Variants in PPP2R2B observed in about 807,000 individuals in gnomAD.
The protein encoded by PPP2R2B is protein phosphatase 2 regulatory subunit Bbeta, also known as serine/threonine-protein phosphatase 2A 55 kDa regulatory subunit B beta isoform.
PPP2R2B carries 5 observed loss-of-function variants against 46.0 expected under a neutral mutation model. The ratio of observed to expected loss-of-function variants is 0.11; its 90% CI spans 0.06 to 0.23. The LOEUF is 0.23. Ranked by LOEUF, PPP2R2B falls within the 10% of genes least tolerant of loss-of-function variation. PPP2R2B has a pLI of 1.00. For missense variants in PPP2R2B, 367 were observed against 575.0 expected (o/e 0.64, Z 3.70); for synonymous variants, 215 against 206.7 (o/e 1.04, Z -0.34).
chr5:146,857,660 T>G, intron 2 of PPP2R2B, among the ~76,000 whole-genome samples: 1 of 152,136 alleles, frequency 6.6e-6, no homozygotes, highest in African/African-American at 2.4e-5. Flanking sequence ...CTAACGGTAA[T>G]ATCTTAAGAC....
intron 2 of PPP2R2B, among the ~76,000 whole-genome samples, chr5:146,846,710 A>AT (rs1002103735): frequency 1.6e-4 from 25 of 151,798 alleles, no homozygotes; most frequent in Non-Finnish European, 2.5e-4. Context: ...TGTATTCTTT[A>AT]TTTTTTTTAA....
chr5:146,854,086 A>G (rs1395805451), intron 2 of PPP2R2B, among the ~76,000 whole-genome samples: 1 of 152,102 alleles, frequency 6.6e-6, no homozygotes, highest in East Asian at 1.9e-4. Flanking sequence ...CGAGTACAGC[A>G]CCAGACACAT....
intron 2 of PPP2R2B, among the ~76,000 whole-genome samples, chr5:147,079,394 TATATA>T (rs1757899232): frequency 6.9e-6 from 1 of 144,352 alleles, no homozygotes; most frequent in East Asian, 2.0e-4. Flanking sequence ...TAAAATGGGA[TATATA>T]ATATATATAA....
intron 2 of PPP2R2B, chr5:146,751,688 A>C (rs1753564975): frequency 6.6e-6 from 1 of 152,248 alleles, no homozygotes; most frequent in African/African-American, 2.4e-5. Flanking sequence ...ACACACATAG[A>C]TAATATCCTG....
At chr5:146,969,138 T>C (rs1752558471) in intron 1 of PPP2R2B, among the ~76,000 whole-genome samples, 1 of 152,172 alleles carries the variant, frequency 6.6e-6, no homozygotes, top group Admixed American at 6.5e-5. Flanking sequence ...AGAAGTAAGA[T>C]CAAGATGCCA....
chr5:146,720,414 C>T (rs1402980043), intron 2 of PPP2R2B, among the ~76,000 whole-genome samples: 4 of 152,172 alleles, frequency 2.6e-5, no homozygotes, highest in African/African-American at 9.7e-5. Context: ...TTCATTTAGA[C>T]TGAGGGTAGA....
chr5:146,963,852 G>T (rs1479987575), intron 1 of PPP2R2B, among the ~76,000 whole-genome samples: 6 of 152,226 alleles, frequency 3.9e-5, no homozygotes, highest in Middle Eastern at 3.4e-3. Flanking sequence ...CTTACTATCT[G>T]TGCTAATTTC....
In PPP2R2B at chr5:146,701,035, C is replaced by T. The variant is rs747786933; in HGVS notation, c.168+10G>A. Reference sequence around the variant, plus strand: ...AAGAAAATGGGCATTTTGCATTCACCACCACTTACCTCCTGCTCTCGTTGA... The same window carrying T: ...AAGAAAATGGGCATTTTGCATTCACTACCACTTACCTCCTGCTCTCGTTGA... On this transcript the variant is annotated intron_variant, in intron 3 of 9. Coordinates refer to ENST00000394411, the MANE Select transcript of PPP2R2B (RefSeq NM_181675.4). 9.4e-6 allele frequency: 15 copies of T among 1,601,400 alleles called. No homozygotes were observed. The highest frequency in any genetic ancestry group is 1.0e-5 in the Non-Finnish European group (12 of 1,168,688).
chr5:146,828,437 A>T (rs563381320), intron 2 of PPP2R2B, among the ~76,000 whole-genome samples: 1 of 152,324 alleles, frequency 6.6e-6, no homozygotes, highest in East Asian at 1.9e-4. Flanking sequence ...ATTTATAGAC[A>T]GCTTAATTGC....
At chr5:146,927,762 C>A (rs1387834862) in intron 1 of PPP2R2B, among the ~76,000 whole-genome samples, 1 of 150,192 alleles carries the variant, frequency 6.7e-6, no homozygotes, top group Non-Finnish European at 1.5e-5. Context: ...TAGATGGAGT[C>A]TCACTCTGTC....
intron 2 of PPP2R2B, among the ~76,000 whole-genome samples, chr5:146,826,157 C>A (rs558145796): frequency 6.6e-6 from 1 of 152,038 alleles, no homozygotes; most frequent in East Asian, 1.9e-4. Flanking sequence ...TTAAAAATGC[C>A]CCAGTCATGA....
At chr5:146,707,984 C>T (rs1177315516) in intron 2 of PPP2R2B, among the ~76,000 whole-genome samples, 1 of 152,110 alleles carries the variant, frequency 6.6e-6, no homozygotes, top group African/African-American at 2.4e-5. Context: ...AACTTGTAAA[C>T]AATTTTAATT....
chr5:146,688,433 G>A (rs1277746314), intron 5 of PPP2R2B, among the ~76,000 whole-genome samples: 1 of 151,866 alleles, frequency 6.6e-6, no homozygotes, highest in Non-Finnish European at 1.5e-5. Flanking sequence ...ATTCCTCTGG[G>A]CCTCCTCTCT....
At chr5:146,792,163 G>A (rs1246251610) in intron 2 of PPP2R2B, among the ~76,000 whole-genome samples, 1 of 152,188 alleles carries the variant, frequency 6.6e-6, no homozygotes, top group Non-Finnish European at 1.5e-5. Flanking sequence ...CTAGGCTCTA[G>A]ATCAAGCCTT....
At chr5:147,067,328 A>G (rs1196547277) in intron 2 of PPP2R2B, among the ~76,000 whole-genome samples, 1 of 152,054 alleles carries the variant, frequency 6.6e-6, no homozygotes, top group Non-Finnish European at 1.5e-5. Flanking sequence ...CTCTTACCCC[A>G]ACCCCTAGTA....
intron 1 of PPP2R2B, among the ~76,000 whole-genome samples, chr5:146,983,213 C>T (rs1416923772): frequency 2.9e-5 from 3 of 102,616 alleles, no homozygotes; most frequent in Middle Eastern, 0.013. Context: ...CGGAGTCTTG[C>T]TCTGTCCCCC....
chr5:146,701,290 T>C, intron 2 of PPP2R2B, 148 bp from the exon 3 acceptor site: 1 of 826,224 alleles, frequency 1.2e-6, no homozygotes, highest in Non-Finnish European at 2.1e-6. Context: ...GGGTTTTAAA[T>C]GCCACCAGAA....
intron 7 of PPP2R2B, among the ~76,000 whole-genome samples, chr5:146,637,915 G>A (rs1394125821): frequency 6.6e-6 from 1 of 152,048 alleles, no homozygotes; most frequent in African/African-American, 2.4e-5. Context: ...ACCCTTCAAC[G>A]GTCTCCTAAC....
Position 146,580,803 on chromosome 5 carries a change from G to C in PPP2R2B, c.*9144C>G, listed in dbSNP as rs763517969. ...TGGAAAAGCTATAATTACTGTTCTT[G>C]GTGAAGCCTCTCCAGAGTTTCTCTT... On this transcript the variant is annotated 3_prime_UTR_variant, in exon 10 of 10. Transcript: ENST00000394411. Among the ~76,000 whole-genome samples the C allele has an allele frequency of 1.3e-5, 2 of 150,952 alleles. No homozygotes were observed. Among genetic ancestry groups the C allele is most frequent in the Non-Finnish European group, 3.0e-5 (2 of 67,716 alleles).
Sources: gnomAD v4.1 joint callset for allele counts (sites outside exome capture counted in the v4.1 genomes callset) on GRCh38, gnomAD v4.1.1 for gene constraint, MANE v1.5 for transcripts, NCBI Gene and HGNC (gene_info 2026-07-23, HGNC 2026-07-21) for gene names.